ABCA13: variants seen among roughly 807,000 people sequenced by gnomAD.
The protein encoded by ABCA13 is ATP binding cassette subfamily A member 13, also known as ATP-binding cassette sub-family A member 13.
Under a neutral mutation model 478.7 loss-of-function variants are expected in ABCA13, and 476 were observed. The ratio of observed to expected loss-of-function variants is 0.99; its 90% confidence interval spans 0.92 to 1.07. ABCA13 has a LOEUF of 1.07. Ranked by LOEUF, ABCA13 falls within the 50% of genes least tolerant of loss-of-function variation. The pLI is 0.00. For synonymous variants in ABCA13, 2,252 were observed against 2,158.9 expected (o/e 1.04, Z -1.20); for missense variants, 6,060 against 5,910.6 (o/e 1.03, Z -0.83).
intron 61 of ABCA13, among the ~76,000 whole-genome samples, chr7:48,645,109 G>C (rs1204629907): frequency 6.6e-6 from 1 of 152,082 alleles, no homozygotes; most frequent in Non-Finnish European, 1.5e-5. Context: ...GAAACAAAAA[G>C]CGTTTCATTT....
rs142471930 is a variant in ABCA13, at chr7:48,293,749, G to GT, written c.8956-1942dup. Among the ~76,000 whole-genome samples, 147 of 151,324 alleles carry GT rather than the reference G, an allele frequency of 9.7e-4. 2 individuals are homozygous for GT. The highest frequency in any genetic ancestry group is 3.1e-3 in the African/African-American group (128 of 41,252). ...CAATTAATAGGTATTATTCTAAAAG[G>GT]TTTTTTTTTGGCAAAATGATTGGTT... On this transcript the variant is annotated intron_variant, in intron 20 of 61. Coordinates refer to ENST00000435803, the MANE Select transcript of ABCA13 (RefSeq NM_152701.5).
Position 48,272,078 on chromosome 7 carries a change from G to A in ABCA13, c.2412G>A (p.Met804Ile). 6.2e-7 allele frequency: 1 copy of A among 1,613,730 alleles called. No individual in the cohort carries two copies. The highest frequency in any genetic ancestry group is 8.5e-7 in the Non-Finnish European group (1 of 1,179,744). The part of the protein sequence containing the change: ...LEFGNEVIWK[M>I]QTLGSHWIRK... Reference sequence around the variant, plus strand: ...TTGGCAACGAAGTGATTTGGAAAATGCAGACTCTCGGAAGTCACTGGATAA... The same window carrying A: ...TTGGCAACGAAGTGATTTGGAAAATACAGACTCTCGGAAGTCACTGGATAA... The change falls in exon 17 of 62, where the codon ATG (methionine) becomes ATA (isoleucine). Residue 804 changes from methionine (M) to isoleucine (I), a missense_variant. Met to Ile is a conservative substitution (Grantham distance 10). This residue lies in a region of ABCA13 where 4,423 missense variants were observed against 4,309.1 expected (regional missense o/e 1.03). Transcript: ENST00000435803.
At chr7:48,364,848 T>C (rs1178238737) in intron 31 of ABCA13, among the ~76,000 whole-genome samples, 1 of 152,202 alleles carries the variant, frequency 6.6e-6, no homozygotes, top group Non-Finnish European at 1.5e-5. Context: ...TTAGCTATTG[T>C]GAATAAGTCT....
intron 15 of ABCA13, among the ~76,000 whole-genome samples, chr7:48,258,913 A>G (rs1406138080): frequency 6.6e-6 from 1 of 150,806 alleles, no homozygotes; most frequent in Non-Finnish European, 1.5e-5. Flanking sequence ...GTAATTGTGT[A>G]GTTTTGAGCA....
In ABCA13 at chr7:48,570,612, C is replaced by T. The variant is rs182564764; in HGVS notation, c.14355-9612C>T. On this transcript the variant is annotated intron_variant, in intron 55 of 61. Transcript: ENST00000435803. ...TGCTGGTATTACAGGTGTGAGCCAC[C>T]GCACCCAGCTGCATCCTTTTACTTT... Among the ~76,000 whole-genome samples, 264 of 151,886 alleles carry T rather than the reference C, an allele frequency of 1.7e-3. 3 individuals carry two copies. Among genetic ancestry groups the T allele is most frequent in the African/African-American group, 5.7e-3 (238 of 41,422 alleles).
chr7:48,562,922 C>T (rs898077624), intron 55 of ABCA13, among the ~76,000 whole-genome samples: 1 of 151,240 alleles, frequency 6.6e-6, no homozygotes, highest in Non-Finnish European at 1.5e-5. Flanking sequence ...AATGATGATG[C>T]CTTATAGCTT....
At chr7:48,390,523 T>C (rs1157463161) in intron 37 of ABCA13, among the ~76,000 whole-genome samples, 1 of 152,208 alleles carries the variant, frequency 6.6e-6, no homozygotes. Flanking sequence ...TGTGTACAGT[T>C]TGATGAGTTT....
chr7:48,418,974 A>G (rs749109137), intron 41 of ABCA13, among the ~76,000 whole-genome samples: 11 of 152,246 alleles, frequency 7.2e-5, no homozygotes, highest in Non-Finnish European at 1.5e-4. Context: ...ACATAGCAGC[A>G]TCTGCTTCTG....
At chr7:48,413,086 C>T (rs2129099492) in intron 41 of ABCA13, among the ~76,000 whole-genome samples, 1 of 152,234 alleles carries the variant, frequency 6.6e-6, no homozygotes, top group Non-Finnish European at 1.5e-5. Flanking sequence ...GCTGGGATTA[C>T]AGGTGTGAGC....
At chr7:48,591,130 T>C (rs1789694975) in intron 57 of ABCA13, among the ~76,000 whole-genome samples, 1 of 152,022 alleles carries the variant, frequency 6.6e-6, no homozygotes, top group Non-Finnish European at 1.5e-5. Context: ...AAATCTTTAA[T>C]ACATGTTCAG....
chr7:48,455,969 C>T (rs976138654), intron 43 of ABCA13, among the ~76,000 whole-genome samples: 1 of 151,224 alleles, frequency 6.6e-6, no homozygotes, highest in Admixed American at 6.6e-5. Flanking sequence ...GGGCTCCTCT[C>T]TAGATTCAGG....
chr7:48,446,018 TTGGCCACACTGA>T (rs1824253627), intron 42 of ABCA13, among the ~76,000 whole-genome samples: 1 of 152,126 alleles, frequency 6.6e-6, no homozygotes, highest in Admixed American at 6.5e-5. Flanking sequence ...TCCCACAGTG[TTGGCCACACTGA>T]TGTGGCCAAC....
At chr7:48,214,997 C>T (rs1464229518) in intron 3 of ABCA13, among the ~76,000 whole-genome samples, 1 of 152,154 alleles carries the variant, frequency 6.6e-6, no homozygotes, top group African/African-American at 2.4e-5. Flanking sequence ...TTTTAACATG[C>T]TTTCCTCACT....
intron 55 of ABCA13, among the ~76,000 whole-genome samples, chr7:48,562,037 C>T (rs1246091659): frequency 6.6e-6 from 1 of 151,610 alleles, no homozygotes. Context: ...GAGCAAAGTG[C>T]CCTGTCTTCT....
At chr7:48,427,900 T>C (rs1326519491) in intron 42 of ABCA13, 29 bp downstream of exon 42, 1 of 1,449,472 alleles carries the variant, frequency 6.9e-7, no homozygotes, top group East Asian at 2.3e-5. Flanking sequence ...CCTGCATTTC[T>C]GCTGGAGGAA....
At chr7:48,376,057 A>G (rs915433928) in intron 34 of ABCA13, among the ~76,000 whole-genome samples, 2 of 152,208 alleles carry the variant, frequency 1.3e-5, no homozygotes, top group Non-Finnish European at 2.9e-5. Flanking sequence ...ATATTTTCCA[A>G]GAGCACAGAG....
At chr7:48,340,569 A>G (rs1457803084) in intron 29 of ABCA13, among the ~76,000 whole-genome samples, 1 of 152,174 alleles carries the variant, frequency 6.6e-6, no homozygotes, top group East Asian at 1.9e-4. Flanking sequence ...TTTTAGGTGA[A>G]TTTATATGTA....
chr7:48,229,299 C>T (rs1025972612), intron 6 of ABCA13, among the ~76,000 whole-genome samples: 9 of 152,096 alleles, frequency 5.9e-5, no homozygotes, highest in Non-Finnish European at 1.0e-4. Flanking sequence ...GCTCCTTGTT[C>T]TTTGAAACAG....
intron 16 of ABCA13, among the ~76,000 whole-genome samples, chr7:48,271,222 A>G (rs1795563455): frequency 6.6e-6 from 1 of 152,244 alleles, no homozygotes; most frequent in Admixed American, 6.5e-5. Flanking sequence ...GGGGACTTAC[A>G]GTGTCTGAGT....
Sources: gnomAD v4.1 joint callset for allele counts (sites outside exome capture counted in the v4.1 genomes callset) on GRCh38, gnomAD v4.1.1 for gene constraint, gnomAD v4.1.1 regional missense constraint, MANE v1.5 for transcripts, NCBI Gene and HGNC (gene_info 2026-07-23, HGNC 2026-07-21) for gene names.